The following UBAC2 variants were observed in gnomAD, a reference collection of about 807,000 sequenced individuals.
UBAC2 encodes the protein UBA domain containing 2.
Under a neutral mutation model 44.0 loss-of-function variants are expected in UBAC2, and 26 were observed. The ratio of observed to expected loss-of-function variants is 0.59; its 90% CI spans 0.43 to 0.82. The LOEUF (loss-of-function observed/expected upper bound fraction) is 0.82. UBAC2 is among the 40% of genes least tolerant of loss of function. The probability of loss-of-function intolerance (pLI) is 0.00; values close to 1 mark genes in which losing one functional copy is unlikely to be tolerated. For missense variants in UBAC2, 329 were observed against 419.4 expected (o/e 0.78, Z 1.88); for synonymous variants, 155 against 154.3 (o/e 1.00, Z -0.04).
chr13:99,316,970 A>C lies in UBAC2; in HGVS notation c.514-1052A>C, dbSNP rs150896814. On this transcript the variant is annotated intron_variant, in intron 5 of 8. Coordinates refer to ENST00000403766, the MANE Select transcript of UBAC2 (RefSeq NM_001144072.2). ...AAATTACAGCAAAATATTTGTCTAC[A>C]TGGTTCCATCCTTATTATTATCAGA... Among the ~76,000 whole-genome samples, 14 of 152,332 alleles carry C rather than the reference A, an allele frequency of 9.2e-5. No individual in the cohort carries two copies. The East Asian group carries it at 2.7e-3, about 29-fold the overall frequency.
At chr13:99,319,411 A>G (rs1245059308) in intron 6 of UBAC2, among the ~76,000 whole-genome samples, 2 of 152,254 alleles carry the variant, frequency 1.3e-5, no homozygotes, top group Admixed American at 1.3e-4. Context: ...CAAATAAATT[A>G]TCACTATCCT....
At chr13:99,318,100 C>T (rs200769929) in intron 6 of UBAC2, 31 bp downstream of exon 6, 1 of 1,549,130 alleles carries the variant, frequency 6.5e-7, no homozygotes, top group Admixed American at 1.7e-5. Flanking sequence ...ACACCCAATT[C>T]TCTCTCTCTC....
rs1448590100 is a variant in UBAC2 at position 99,255,149 on chromosome 13, G to A, written c.389+10525G>A. The A allele has an allele frequency of 3.1e-6, 5 of 1,614,014 alleles. No individual in the cohort carries two copies. The African/African-American group carries it at 4.0e-5, about 13-fold the overall frequency. On this transcript the variant is annotated intron_variant, in intron 4 of 8. Transcript: ENST00000403766. ...ATGTGGAAGGGCATAAAGCAGACGA[G>A]CACCTGCACCAGCAGCGTGATGATG...
chr13:99,275,384 G>A (rs2043868958), intron 4 of UBAC2, among the ~76,000 whole-genome samples: 1 of 152,130 alleles, frequency 6.6e-6, no homozygotes, highest in Non-Finnish European at 1.5e-5. Flanking sequence ...TTTAATTTTA[G>A]TCATTCTAGC....
At chr13:99,256,007 G>C in intron 4 of UBAC2, 1 of 765,606 alleles carries the variant, frequency 1.3e-6, no homozygotes, top group Non-Finnish European at 2.1e-6. Context: ...TTTTAAGTTC[G>C]AGAGCATTTA....
intron 8 of UBAC2, among the ~76,000 whole-genome samples, chr13:99,379,781 T>A (rs775958889): frequency 6.6e-5 from 10 of 152,256 alleles, no homozygotes; most frequent in Non-Finnish European, 1.5e-4. Flanking sequence ...TACACTGCTC[T>A]CCACTTTCTC....
rs1566467581 is a variant in UBAC2, at chr13:99,249,792, ATTGTGGTTTTGATTTGCATT to A, written c.389+5170_389+5189del. On this transcript the variant is annotated intron_variant, in intron 4 of 8. Transcript: ENST00000403766. ...TCTGACTGGTGTGAGATGGTATCTC[ATTGTGGTTTTGATTTGCATT>A]TCTTGATGATTACCTTTGAGCATTT... is the stretch of plus-strand genomic sequence containing the variant. 7.0e-4 allele frequency among the ~76,000 whole-genome samples: 107 copies of A among 151,926 alleles called. 2 individuals carry two copies. The East Asian group carries it at 0.019, about 27-fold the overall frequency.
intron 1 of UBAC2, among the ~76,000 whole-genome samples, chr13:99,216,688 G>A (rs144293307): frequency 1.2e-3 from 190 of 152,174 alleles, no homozygotes; most frequent in African/African-American, 4.5e-3. Flanking sequence ...GACACATTTC[G>A]CTGGTGTTTT....
intron 1 of UBAC2, among the ~76,000 whole-genome samples, chr13:99,201,820 C>T (rs1447608143): frequency 1.3e-5 from 2 of 151,990 alleles, no homozygotes; most frequent in Non-Finnish European, 2.9e-5. Context: ...GCCTGTAATC[C>T]CAGCACTTTG....
intron 7 of UBAC2, among the ~76,000 whole-genome samples, chr13:99,364,898 T>G (rs1197782507): frequency 1.3e-5 from 2 of 152,216 alleles, no homozygotes; most frequent in Non-Finnish European, 2.9e-5. Flanking sequence ...TTGGAAATAA[T>G]GCTGCTGAGA....
At chr13:99,266,444 G>A (rs2043745213) in intron 4 of UBAC2, among the ~76,000 whole-genome samples, 1 of 152,014 alleles carries the variant, frequency 6.6e-6, no homozygotes, top group South Asian at 2.1e-4. Flanking sequence ...AAGCTGTCCT[G>A]GGCCCATGTG....
intron 4 of UBAC2, among the ~76,000 whole-genome samples, chr13:99,306,051 G>T (rs773388616): frequency 6.6e-6 from 1 of 151,988 alleles, no homozygotes; most frequent in Non-Finnish European, 1.5e-5. Flanking sequence ...GAGTGCCACC[G>T]TGCCTGGCTA....
intron 7 of UBAC2, among the ~76,000 whole-genome samples, chr13:99,366,094 A>C (rs1271286651): frequency 6.6e-6 from 1 of 151,424 alleles, no homozygotes; most frequent in Non-Finnish European, 1.5e-5. Flanking sequence ...TATATTTTAG[A>C]TTTATCTTTT....
intron 4 of UBAC2, among the ~76,000 whole-genome samples, chr13:99,309,611 T>C (rs1206588778): frequency 2.0e-5 from 3 of 152,162 alleles, no homozygotes; most frequent in Admixed American, 2.0e-4. Context: ...TTTTTGTTTG[T>C]TTGTTTGGAG....
intron 4 of UBAC2, among the ~76,000 whole-genome samples, chr13:99,303,102 C>T (rs936443763): frequency 1.3e-5 from 2 of 152,150 alleles, no homozygotes; most frequent in Non-Finnish European, 2.9e-5. Context: ...CTGTGACCAG[C>T]CTGCCAACCC....
At chr13:99,225,223 T>C (rs1388655784) in intron 1 of UBAC2, among the ~76,000 whole-genome samples, 1 of 152,202 alleles carries the variant, frequency 6.6e-6, no homozygotes, top group South Asian at 2.1e-4. Context: ...AGTACGTTCA[T>C]ATTGTGCAAC....
intron 4 of UBAC2, among the ~76,000 whole-genome samples, chr13:99,286,814 C>T (rs2044024353): frequency 1.3e-5 from 2 of 152,136 alleles, no homozygotes; most frequent in African/African-American, 2.4e-5. Context: ...GCTGAGACTC[C>T]CCTCACATGT....
chr13:99,353,115 T>C (rs779814347), intron 7 of UBAC2, among the ~76,000 whole-genome samples: 72 of 152,380 alleles, frequency 4.7e-4, no homozygotes, highest in Non-Finnish European at 6.6e-4. Flanking sequence ...CAAAGCAGTC[T>C]AATCAGTTAA....
intron 1 of UBAC2, among the ~76,000 whole-genome samples, chr13:99,237,396 C>G (rs574576076): frequency 6.6e-6 from 1 of 151,950 alleles, no homozygotes; most frequent in Non-Finnish European, 1.5e-5. Flanking sequence ...AACAAAAAGA[C>G]AAAGATTGCA....
Sources: allele counts gnomAD v4.1 joint callset (sites outside exome capture counted in the v4.1 genomes callset), GRCh38; gene constraint gnomAD v4.1.1; transcripts MANE v1.5; gene names NCBI Gene and HGNC (gene_info 2026-07-23, HGNC 2026-07-21).